Variants in MEP1A observed in about 807,000 individuals in gnomAD.
The protein encoded by MEP1A is meprin A subunit alpha, also known as N-benzoyl-L-tyrosyl-P-amino-benzoic acid hydrolase subunit alpha.
MEP1A carries 68 observed loss-of-function variants against 84.5 expected under a neutral mutation model. The ratio of observed to expected loss-of-function variants is 0.80; its 90% CI spans 0.66 to 0.98. MEP1A has a LOEUF of 0.98. MEP1A is among the 50% of genes least tolerant of loss of function. The pLI, the probability that MEP1A is intolerant of heterozygous loss-of-function variation, is 0.00. For missense variants in MEP1A, 887 were observed against 919.9 expected (o/e 0.96, Z 0.46); for synonymous variants, 337 against 336.8 (o/e 1.00, Z -0.01).
chr6:46,823,612 C>G (rs1227410498), intron 7 of MEP1A, among the ~76,000 whole-genome samples: 2 of 152,034 alleles, frequency 1.3e-5, no homozygotes, highest in Admixed American at 6.6e-5. Flanking sequence ...AACTCCGTCT[C>G]AAAACTAAAC....
intron 6 of MEP1A, among the ~76,000 whole-genome samples, chr6:46,811,897 C>A (rs6458517): frequency 0.7 from 106,047 of 151,882 alleles, 38,022 homozygotes; most frequent in African/African-American, 0.86. Flanking sequence ...GGATTTTTGC[C>A]TGTGTGTTCA....
At chr6:46,843,935 C>G (rs1010664071), downstream of MEP1A, among the ~76,000 whole-genome samples, 2 of 152,072 alleles carry the variant, frequency 1.3e-5, no homozygotes, top group Admixed American at 6.5e-5. Context: ...CTACAGAAAA[C>G]CTTAATAAGA....
chr6:46,828,648 G>A (rs1375282741), intron 9 of MEP1A, among the ~76,000 whole-genome samples: 2 of 152,170 alleles, frequency 1.3e-5, no homozygotes, highest in Admixed American at 1.3e-4. Flanking sequence ...TTACCAAACG[G>A]TACATTTGTT....
chr6:46,817,408 AT>A (rs1767666223), intron 6 of MEP1A, among the ~76,000 whole-genome samples: 1 of 152,072 alleles, frequency 6.6e-6, no homozygotes, highest in Admixed American at 6.5e-5. Flanking sequence ...TAGATAGTTT[AT>A]TTTTCTGTAA....
intron 3 of MEP1A, among the ~76,000 whole-genome samples, 177 bp downstream of exon 3, chr6:46,793,893 T>TA (rs1344932148): frequency 6.6e-6 from 1 of 152,194 alleles, no homozygotes; most frequent in Non-Finnish European, 1.5e-5. Context: ...AGAAGATAGT[T>TA]AGACCAGACT....
At chr6:46,818,080 C>T (rs1279365864) in intron 6 of MEP1A, among the ~76,000 whole-genome samples, 5 of 152,110 alleles carry the variant, frequency 3.3e-5, no homozygotes. Flanking sequence ...AATGCTTTCT[C>T]TGAGTTGTGA....
intron 3 of MEP1A, among the ~76,000 whole-genome samples, chr6:46,795,725 C>T (rs913027605): frequency 6.6e-6 from 1 of 152,176 alleles, no homozygotes. Flanking sequence ...CCCTTTCTGC[C>T]TTTGCTCCCT....
At chr6:46,826,298 C>G (rs1767943869) in intron 8 of MEP1A, 56 bp from the exon 9 acceptor site, 1 of 1,483,964 alleles carries the variant, frequency 6.7e-7, no homozygotes. Context: ...AAGACATTAG[C>G]TATTTGGAAT....
Position 46,800,995 on chromosome 6 carries a change from C to T in MEP1A, c.262+1814C>T, listed in dbSNP as rs368349026. Among the ~76,000 whole-genome samples the T allele has an allele frequency of 1.8e-4, 28 of 152,162 alleles. No homozygotes were observed. The South Asian group carries it at 3.9e-3, about 21-fold the overall frequency. ...TATTGTTGTAGATCAACAGTAAATTCTTTTTTTAAACTACTCAGTAATATT... is the reference window on the plus strand; with the variant it reads ...TATTGTTGTAGATCAACAGTAAATTTTTTTTTTAAACTACTCAGTAATATT... On this transcript the variant is annotated intron_variant, in intron 5 of 13. Transcript: ENST00000230588.
chr6:46,794,649 G>A (rs918550895), intron 3 of MEP1A, among the ~76,000 whole-genome samples: 2 of 152,170 alleles, frequency 1.3e-5, no homozygotes, highest in Non-Finnish European at 2.9e-5. Flanking sequence ...TATTTAATTG[G>A]AATAGCTGGA....
chr6:46,804,542 G>A (rs758952648), intron 5 of MEP1A, among the ~76,000 whole-genome samples: 10 of 151,474 alleles, frequency 6.6e-5, no homozygotes, highest in Non-Finnish European at 1.3e-4. Context: ...TTTCAAAGTC[G>A]CTTTCGGGCA....
At chr6:46,800,865 TG>T (rs1036006884) in intron 5 of MEP1A, among the ~76,000 whole-genome samples, 11 of 152,204 alleles carry the variant, frequency 7.2e-5, no homozygotes, top group African/African-American at 2.4e-4. Flanking sequence ...TAGTTTTGCC[TG>T]ATTTACAACT....
chr6:46,804,404 A>C (rs1201029822), intron 5 of MEP1A, among the ~76,000 whole-genome samples: 3 of 151,806 alleles, frequency 2.0e-5, no homozygotes, highest in Non-Finnish European at 3.0e-5. Context: ...AAAAAGTTAA[A>C]AGCATTATGC....
chr6:46,840,836 A>G (rs1457912246), downstream of MEP1A, among the ~76,000 whole-genome samples: 1 of 152,252 alleles, frequency 6.6e-6, no homozygotes, highest in Non-Finnish European at 1.5e-5. Flanking sequence ...CAGTTGTATT[A>G]TCTCCAAAGA....
At chr6:46,804,374 A>T (rs987582573) in intron 5 of MEP1A, among the ~76,000 whole-genome samples, 5 of 151,788 alleles carry the variant, frequency 3.3e-5, no homozygotes, top group Non-Finnish European at 7.4e-5. Context: ...ACATTTGATT[A>T]TAAAAACTTT....
downstream of MEP1A, among the ~76,000 whole-genome samples, chr6:46,840,652 A>T (rs1338377296): frequency 6.6e-6 from 1 of 152,220 alleles, no homozygotes; most frequent in African/African-American, 2.4e-5. Flanking sequence ...TAGTTTACTA[A>T]CTTGTCAAAT....
intron 6 of MEP1A, among the ~76,000 whole-genome samples, chr6:46,811,200 T>C (rs1452651093): frequency 6.6e-6 from 1 of 152,082 alleles, no homozygotes; most frequent in Non-Finnish European, 1.5e-5. Context: ...GTTAGGTATA[T>C]TCCTAAGTAT....
chr6:46,824,267 C>T (rs1043906831), intron 7 of MEP1A, among the ~76,000 whole-genome samples: 1 of 151,952 alleles, frequency 6.6e-6, no homozygotes, highest in Non-Finnish European at 1.5e-5. Context: ...CACACGTACA[C>T]ACACACCCAG....
chr6:46,803,153 A>G (rs955564654), intron 5 of MEP1A, among the ~76,000 whole-genome samples: 2 of 151,666 alleles, frequency 1.3e-5, no homozygotes, highest in Non-Finnish European at 3.0e-5. Flanking sequence ...GTTTGTTGGT[A>G]AAATTCACCG....
Sources: allele counts gnomAD v4.1 joint callset (sites outside exome capture counted in the v4.1 genomes callset), GRCh38; gene constraint gnomAD v4.1.1; transcripts MANE v1.5; gene names NCBI Gene and HGNC (gene_info 2026-07-23, HGNC 2026-07-21).